ZNF532: variants seen among roughly 807,000 people sequenced by gnomAD.
ZNF532 encodes the protein zinc finger protein 532.
A neutral mutation model predicts 89.3 loss-of-function variants in ZNF532; 22 were observed. That is an observed-to-expected ratio of 0.25 (90% CI 0.18 to 0.35). The LOEUF (loss-of-function observed/expected upper bound fraction) is 0.35. Ranked by LOEUF, ZNF532 falls within the 10% of genes least tolerant of loss-of-function variation. ZNF532 has a pLI of 1.00. For missense variants in ZNF532, 1,132 were observed against 1,643.4 expected, an observed-to-expected ratio of 0.69 and a Z score of 5.38; for synonymous variants, 606 against 649.6, an observed-to-expected ratio of 0.93 and a Z score of 1.02.
chr18:58,982,446 CCCCGTCTCTACTAAAAGTACAAAA>C (rs2067911600), intron 9 of ZNF532, among the ~76,000 whole-genome samples: 1 of 151,870 alleles, frequency 6.6e-6, no homozygotes. Flanking sequence ...CGTGGTGAAA[CCCCGTCTCTACTAAAAGTACAAAA>C]ATTAGCCAGG....
chr18:58,953,589 G>C lies in ZNF532; in HGVS notation c.2940G>C (p.Lys980Asn). 6.2e-7 allele frequency: 1 copy of C among 1,613,828 alleles called. No homozygotes were observed. Among genetic ancestry groups the C allele is most frequent in the Non-Finnish European group, 8.5e-7 (1 of 1,179,814 alleles). The change falls in exon 7 of 10, where the codon AAG (lysine) becomes AAC (asparagine). Residue 980 changes from lysine (K) to asparagine (N), a missense_variant. Lys to Asn is a moderately conservative substitution (Grantham distance 94). Transcript: ENST00000591808. ...NLGINLPLSI[K>N]PATQNSANQN... is the part of the protein sequence containing the mutation. ...GTATAAACTTGCCTTTGAGCATTAA[G>C]CCTGCAACTCAAAATTCAGCAAATC...
intron 7 of ZNF532, among the ~76,000 whole-genome samples, chr18:58,966,517 T>C (rs919584718): frequency 5.3e-5 from 8 of 151,882 alleles, no homozygotes; most frequent in Admixed American, 2.6e-4. Context: ...AAGTGAAAGA[T>C]ACAAAGAAGG....
rs748660347 is a variant in ZNF532 at position 58,949,031 on chromosome 18, C to CT, written c.2868+814dup. Among the ~76,000 whole-genome samples the CT allele has an allele frequency of 7.2e-3, 1,017 of 141,390 alleles. 8 individuals carry two copies. Among genetic ancestry groups the CT allele is most frequent in the South Asian group, 0.014 (63 of 4,430 alleles). The allele number at this position is 141,390 out of a possible 152,430, so 92.8% of individuals were successfully genotyped here. ...TTAATGCCCCTAAACCTTTTAGTTT[C>CT]TTTTTTTTTTTTCTGTAAAGATTGC... is the stretch of plus-strand genomic sequence containing the variant. On this transcript the variant is annotated intron_variant, in intron 6 of 9. Coordinates refer to ENST00000591808, the MANE Select transcript of ZNF532 (RefSeq NM_001375912.1).
At chr18:58,975,139 A>G (rs909155645) in intron 7 of ZNF532, among the ~76,000 whole-genome samples, 1 of 152,178 alleles carries the variant, frequency 6.6e-6, no homozygotes, top group East Asian at 1.9e-4. Context: ...CTGCTGTGCT[A>G]TATTTAAATC....
rs1426418259 is a variant in ZNF532 at position 58,985,490 on chromosome 18, T to C, written c.*1024T>C. ...GTGCTACTGCCAAACGTTATGGTAC[T>C]TAGAGTCGGGATGCACAACTTCAAC... is the stretch of plus-strand genomic sequence containing the variant. On this transcript the variant is annotated 3_prime_UTR_variant, in exon 10 of 10. Transcript: ENST00000591808. 1 of 152,642 alleles carries C rather than the reference T, an allele frequency of 6.6e-6. No homozygotes were observed. The highest frequency in any genetic ancestry group is 1.5e-5 in the Non-Finnish European group (1 of 68,046). The allele number at this position is 152,642 out of a possible 1,614,324, so 9.5% of individuals were successfully genotyped here.
At chr18:58,977,447 T>TGCC (rs1461129190) in intron 7 of ZNF532, 3 of 152,184 alleles carry the variant, frequency 2.0e-5, no homozygotes, top group African/African-American at 7.2e-5. Context: ...AGAGACCAGG[T>TGCC]GCCAGCTCAT....
chr18:58,927,084 G>A (rs1044863545), intron 3 of ZNF532, among the ~76,000 whole-genome samples: 1 of 152,122 alleles, frequency 6.6e-6, no homozygotes, highest in Non-Finnish European at 1.5e-5. Flanking sequence ...TGTATAATTG[G>A]TGTTAGTTTT....
chr18:58,961,743 G>A (rs945685968), intron 7 of ZNF532, among the ~76,000 whole-genome samples: 2 of 152,210 alleles, frequency 1.3e-5, no homozygotes, highest in Admixed American at 6.5e-5. Flanking sequence ...GTGGCAGGAG[G>A]AAGAGAGAAG....
At chr18:58,978,946 T>G in intron 7 of ZNF532, 109 bp from the exon 8 acceptor site, 1 of 851,562 alleles carries the variant, frequency 1.2e-6, no homozygotes. Context: ...CAGTTTTGGA[T>G]TTGGGGACCT....
At chr18:58,894,948 C>T (rs2059151027) in intron 2 of ZNF532, among the ~76,000 whole-genome samples, 1 of 152,104 alleles carries the variant, frequency 6.6e-6, no homozygotes, top group African/African-American at 2.4e-5. Flanking sequence ...GCAACATAGG[C>T]CTTGTCTCTG....
At chr18:58,973,182 A>G (rs1188442571) in intron 7 of ZNF532, among the ~76,000 whole-genome samples, 2 of 152,192 alleles carry the variant, frequency 1.3e-5, no homozygotes, top group East Asian at 3.9e-4. Context: ...TGCTCACTGC[A>G]ACTGCTGCTT....
At chr18:58,942,072 G>C (rs1471824593) in intron 5 of ZNF532, among the ~76,000 whole-genome samples, 8 of 144,198 alleles carry the variant, frequency 5.5e-5, no homozygotes, top group Non-Finnish European at 9.1e-5. Context: ...GCCCAGGCTG[G>C]AGTGCAGTGG....
upstream of ZNF532, among the ~76,000 whole-genome samples, chr18:58,863,936 C>T (rs1262165876): frequency 3.3e-5 from 5 of 151,630 alleles, no homozygotes; most frequent in East Asian, 9.8e-4. Flanking sequence ...CCGCAGTGGC[C>T]TGTCCCACCC....
intron 7 of ZNF532, among the ~76,000 whole-genome samples, chr18:58,966,582 T>C (rs1225312884): frequency 6.6e-6 from 1 of 152,146 alleles, no homozygotes; most frequent in Admixed American, 6.5e-5. Context: ...AACGACCAGA[T>C]TCCATTTCTA....
rs2068186056 is a variant in ZNF532, at chr18:58,984,269, C to G, written c.3709C>G (p.Gln1237Glu). ...AAAGGAACCTCAGCCAGTGTCCAAG[C>G]AAAATGGGGCTGGGGAAGATAACCA... ...KLKEPQPVSK[Q>E]NGAGEDNQQE... Residue 1237 changes from glutamine to glutamate, a missense_variant, in exon 10 of 10, where the codon CAA becomes GAA. Around this residue, in one of 9 missense-constraint regions of ZNF532, gnomAD observed 415 missense variants for 604.8 expected, o/e 0.69. Coordinates refer to ENST00000591808, the MANE Select transcript of ZNF532 (RefSeq NM_001375912.1). 1 of 1,611,798 alleles carries G rather than the reference C, an allele frequency of 6.2e-7. No individual in the cohort carries two copies. Among genetic ancestry groups the G allele is most frequent in the African/African-American group, 1.3e-5 (1 of 74,808 alleles).
intron 5 of ZNF532, among the ~76,000 whole-genome samples, chr18:58,944,648 C>A (rs2063500697): frequency 6.6e-6 from 1 of 152,062 alleles, no homozygotes; most frequent in Non-Finnish European, 1.5e-5. Flanking sequence ...AGCCGGTCTC[C>A]CTGGGGATTT....
At chr18:58,979,962 CTCA>C (rs755964245) in intron 8 of ZNF532, 2 of 152,358 alleles carry the variant, frequency 1.3e-5, no homozygotes, top group African/African-American at 2.4e-5. Context: ...CAGAACGTAT[CTCA>C]TCATTAGTGA....
chr18:58,974,668 TAC>T (rs751030820), intron 7 of ZNF532, among the ~76,000 whole-genome samples: 1 of 152,170 alleles, frequency 6.6e-6, no homozygotes, highest in Non-Finnish European at 1.5e-5. Flanking sequence ...ACAAAACACA[TAC>T]ACACAACAAA....
intron 2 of ZNF532, among the ~76,000 whole-genome samples, chr18:58,904,670 A>G (rs1602907213): frequency 6.6e-6 from 1 of 152,156 alleles, no homozygotes; most frequent in Admixed American, 6.5e-5. Context: ...TTAAGTGATC[A>G]GTGATCCAGT....
Sources: allele counts gnomAD v4.1 joint callset (sites outside exome capture counted in the v4.1 genomes callset), GRCh38; gene constraint gnomAD v4.1.1; regional missense constraint gnomAD v4.1.1; transcripts MANE v1.5; gene names NCBI Gene and HGNC (gene_info 2026-07-23, HGNC 2026-07-21).